DHX30: variants seen among roughly 807,000 people sequenced by gnomAD.
DHX30 encodes the protein ATP-dependent RNA helicase DHX30.
A neutral mutation model predicts 116.9 loss-of-function variants in DHX30; 4 were observed. That is an observed-to-expected ratio of 0.03 (90% CI 0.02 to 0.08). The LOEUF is 0.08. DHX30 is among the 10% of genes least tolerant of loss of function. DHX30 has a pLI of 1.00. For missense variants in DHX30, 871 were observed against 1,595.1 expected (o/e 0.55, Z 7.73); for synonymous variants, 697 against 651.7 (o/e 1.07, Z -1.06).
At chr3:47,827,827 A>T (rs1278581080) in intron 5 of DHX30, among the ~76,000 whole-genome samples, 1 of 152,130 alleles carries the variant, frequency 6.6e-6, no homozygotes, top group African/African-American at 2.4e-5. Flanking sequence ...CATGCCAGCA[A>T]ACCATTCTGG....
chr3:47,825,072 C>A (rs746905251), intron 4 of DHX30: 2 of 666,854 alleles, frequency 3.0e-6, no homozygotes, highest in South Asian at 1.6e-5. Context: ...TGGCGCTGGC[C>A]GCCGGCATCT....
intron 4 of DHX30, among the ~76,000 whole-genome samples, chr3:47,821,854 C>T (rs1400895912): frequency 1.3e-5 from 2 of 152,186 alleles, no homozygotes; most frequent in African/African-American, 4.8e-5. Context: ...CCTCCTCGGC[C>T]TCCCAAAGTG....
intron 2 of DHX30, among the ~76,000 whole-genome samples, chr3:47,805,870 G>T (rs2035490825): frequency 6.6e-6 from 1 of 152,076 alleles, no homozygotes; most frequent in South Asian, 2.1e-4. Context: ...TCATTGTGGA[G>T]TCTCTGTCCT....
At chr3:47,809,399 G>A (rs1027829347) in intron 2 of DHX30, among the ~76,000 whole-genome samples, 3 of 151,500 alleles carry the variant, frequency 2.0e-5, no homozygotes, top group African/African-American at 7.3e-5. Context: ...GCACAACCAT[G>A]CCTGGCTCAT....
In DHX30 at chr3:47,848,335, A is replaced by C. The variant is rs545377323; in HGVS notation, c.2442A>C (p.Thr814=). 6.2e-7 allele frequency: 1 copy of C among 1,614,058 alleles called. No individual in the cohort carries two copies. Among genetic ancestry groups the C allele is most frequent in the South Asian group, 1.1e-5 (1 of 91,086 alleles). The change falls in exon 15 of 22, where the codon ACA becomes ACC. Residue 814 remains threonine (T), a synonymous_variant. Coordinates refer to ENST00000445061, the MANE Select transcript of DHX30 (RefSeq NM_138615.3). This position sits in a 1 kb window ranked among gnomAD's most constrained non-coding sequence, Gnocchi z 9.4. Reference sequence around the variant, plus strand: ...TCCAAGTGCCAGAGATCCTGCGCACACCTCTTGAGAACCTGGTGCTGCAAG... The same window carrying C: ...TCCAAGTGCCAGAGATCCTGCGCACCCCTCTTGAGAACCTGGTGCTGCAAG... ...VPFQVPEILR[T]PLENLVLQAK...
chr3:47,847,185 G>A lies in DHX30; in HGVS notation c.1930-88G>A. ...TGAGGATTGGAGTTGATGTCAAGCG[G>A]CTCCGTCTCACTGAGTCAGGTGGCT... On this transcript the variant is annotated intron_variant, in intron 11 of 21. Coordinates refer to ENST00000445061, the MANE Select transcript of DHX30 (RefSeq NM_138615.3). This position sits in a 1 kb window ranked among gnomAD's most constrained non-coding sequence, Gnocchi z 5.5. The A allele has an allele frequency of 5.1e-6, 8 of 1,555,382 alleles. No homozygotes were observed. The South Asian group carries it at 7.9e-5, about 15-fold the overall frequency.
chr3:47,806,148 T>A (rs976165097), intron 2 of DHX30, among the ~76,000 whole-genome samples: 3 of 91,678 alleles, frequency 3.3e-5, no homozygotes, highest in African/African-American at 9.2e-5. Context: ...TTTTGTATTT[T>A]TTTTTTTTTT....
rs145877201 is a variant in DHX30, at chr3:47,849,337, C to A, written c.3075C>A (p.Pro1025=). ...VKGVLMAGLY[P]NLIQVRQGKV... ...GCGTGCTGATGGCCGGCCTCTACCCCAACCTCATCCAGGTGCTGCCTCTGG... is the reference window on the plus strand; with the variant it reads ...GCGTGCTGATGGCCGGCCTCTACCCAAACCTCATCCAGGTGCTGCCTCTGG... Residue 1025 remains proline, a synonymous_variant, in exon 19 of 22, where the codon CCC becomes CCA. Transcript: ENST00000445061. 13 of 1,612,338 alleles carry A rather than the reference C, an allele frequency of 8.1e-6. No individual in the cohort carries two copies. Among genetic ancestry groups the A allele is most frequent in the Non-Finnish European group, 1.0e-5 (12 of 1,179,088 alleles).
chr3:47,839,032 C>T (rs1336522827), intron 6 of DHX30, among the ~76,000 whole-genome samples: 1 of 151,878 alleles, frequency 6.6e-6, no homozygotes, highest in Non-Finnish European at 1.5e-5. Context: ...TACCACCACC[C>T]CTGGCTAACT....
At chr3:47,825,089 GC>G in intron 4 of DHX30, 1 of 670,364 alleles carries the variant, frequency 1.5e-6, no homozygotes, top group Non-Finnish European at 2.7e-6. Context: ...ATCTCTCCGC[GC>G]CTGCAGCCGC....
intron 6 of DHX30, among the ~76,000 whole-genome samples, chr3:47,836,572 G>T (rs1032466209): frequency 1.3e-5 from 2 of 151,828 alleles, no homozygotes; most frequent in Non-Finnish European, 2.9e-5. Flanking sequence ...AGGCTAGAGT[G>T]CAGTGGCGCA....
At chr3:47,803,644 C>G (rs774423473) in intron 1 of DHX30, among the ~76,000 whole-genome samples, 25 of 152,178 alleles carry the variant, frequency 1.6e-4, no homozygotes, top group Admixed American at 5.2e-4. Context: ...CTGCCCGGAC[C>G]GTTCGTCCAG....
At chr3:47,815,421 T>C (rs1439881705) in intron 3 of DHX30, among the ~76,000 whole-genome samples, 2 of 152,114 alleles carry the variant, frequency 1.3e-5, no homozygotes, top group Non-Finnish European at 2.9e-5. Context: ...AGAGCTCTGT[T>C]TCAGAGATGC....
In DHX30 at chr3:47,805,509, G is replaced by A. The variant is rs1457234779; in HGVS notation, c.-28+89G>A. On this transcript the variant is annotated intron_variant, in intron 2 of 21. Transcript: ENST00000445061. ...AGAGGTATGTGTTAAACCTATTTCT[G>A]ACCATTTTGGAAGAAGGATATCATT... 3 of 397,562 alleles carry A rather than the reference G, an allele frequency of 7.5e-6. No homozygotes were observed. The East Asian group carries it at 1.1e-4, about 14-fold the overall frequency. 24.6% of individuals were successfully genotyped at this position (397,562 alleles called of 1,614,324 possible). A position where few individuals can be genotyped will look rare whatever the true frequency, so the allele number is the denominator to read the frequency against.
At chr3:47,843,402 G>A (rs1350783834) in intron 9 of DHX30, 147 bp downstream of exon 9, 8 of 1,102,212 alleles carry the variant, frequency 7.3e-6, no homozygotes, top group South Asian at 3.2e-5. Context: ...TGCAGGCCTC[G>A]CTTGTAGGCC....
intron 4 of DHX30, among the ~76,000 whole-genome samples, chr3:47,826,429 G>A (rs1304481608): frequency 6.6e-6 from 1 of 151,264 alleles, no homozygotes; most frequent in Non-Finnish European, 1.5e-5. Flanking sequence ...CTGCTCAGAT[G>A]TAGAGGTTTT....
chr3:47,817,031 C>A, intron 3 of DHX30: 1 of 837,024 alleles, frequency 1.2e-6, no homozygotes, highest in Non-Finnish European at 1.4e-6. Flanking sequence ...TCTTGTTTTA[C>A]TGATATCTTT....
intron 3 of DHX30, chr3:47,816,316 C>A (rs2036050285): frequency 1.0e-6 from 1 of 982,788 alleles, no homozygotes; most frequent in Admixed American, 6.2e-5. Flanking sequence ...ACAGGCAGCT[C>A]AGGGTGATGT....
At chr3:47,825,761 G>A (rs1471393211) in intron 4 of DHX30, among the ~76,000 whole-genome samples, 1 of 152,180 alleles carries the variant, frequency 6.6e-6, no homozygotes, top group Non-Finnish European at 1.5e-5. Flanking sequence ...GGTGGGGGCG[G>A]GGTGGTGGTC....
Sources: gnomAD v4.1 joint callset for allele counts (sites outside exome capture counted in the v4.1 genomes callset) on GRCh38, gnomAD v4.1.1 for gene constraint, Gnocchi (gnomAD v3.1) non-coding constraint, MANE v1.5 for transcripts, NCBI Gene and HGNC (gene_info 2026-07-23, HGNC 2026-07-21) for gene names.